Variants in CDH8 observed in about 807,000 individuals in gnomAD.
CDH8 encodes cadherin-8.
A neutral mutation model predicts 68.1 loss-of-function variants in CDH8; 17 were observed. That is an observed-to-expected ratio of 0.25 (90% CI 0.17 to 0.37). The LOEUF (loss-of-function observed/expected upper bound fraction) is 0.37, where lower values mean the gene tolerates loss of function less well. Among genes scored for constraint, CDH8 ranks in the 10% least tolerant of loss-of-function variants. CDH8 has a pLI of 1.00. For synonymous variants in CDH8, 372 were observed against 365.1 expected, an observed-to-expected ratio of 1.02 and a Z score of -0.21; for missense variants, 763 against 999.3, an observed-to-expected ratio of 0.76 and a Z score of 3.19.
In CDH8 at chr16:61,860,633, G is replaced by GA. The variant is rs765139690; in HGVS notation, c.548-3396dup. 1.8e-3 allele frequency among the ~76,000 whole-genome samples: 259 copies of GA among 146,244 alleles called. 6 individuals carry two copies. In the East Asian group the frequency reaches 0.022, roughly 13 times the overall value. ...CATATTGTGAAGTAACACATTATCA[G>GA]AAAAAAAAAATAAGTCAAGATGTAA... On this transcript the variant is annotated intron_variant, in intron 3 of 11. Coordinates refer to ENST00000577390, the MANE Select transcript of CDH8 (RefSeq NM_001796.5).
At chr16:62,026,279 C>T (rs2150618003) in intron 1 of CDH8, among the ~76,000 whole-genome samples, 1 of 152,360 alleles carries the variant, frequency 6.6e-6, no homozygotes, top group African/African-American at 2.4e-5. Context: ...TATTAACGTG[C>T]ATCCAAATTA....
At chr16:61,962,730 T>TATA (rs1372393474) in intron 2 of CDH8, among the ~76,000 whole-genome samples, 1 of 152,154 alleles carries the variant, frequency 6.6e-6, no homozygotes, top group Non-Finnish European at 1.5e-5. Flanking sequence ...TTGTGTAAAA[T>TATA]ATAAAATAAG....
intron 7 of CDH8, 125 bp from the exon 8 acceptor site, chr16:61,789,607 C>T: frequency 1.2e-6 from 1 of 864,452 alleles, no homozygotes; most frequent in Non-Finnish European, 1.7e-6. Context: ...AACTCAGTGG[C>T]ATCATAATTT....
intron 3 of CDH8, among the ~76,000 whole-genome samples, chr16:61,858,806 A>C (rs1963098539): frequency 6.6e-6 from 1 of 152,180 alleles, no homozygotes; most frequent in Admixed American, 6.5e-5. Context: ...TTCCAGCAGG[A>C]AACAGTTACA....
intron 6 of CDH8, 97 bp downstream of exon 6, chr16:61,820,829 G>A (rs1962196130): frequency 2.0e-6 from 2 of 979,426 alleles, no homozygotes; most frequent in East Asian, 2.5e-5. Context: ...CCTACCAGCT[G>A]TGCAATTCTG....
intron 10 of CDH8, among the ~76,000 whole-genome samples, chr16:61,700,840 T>A (rs1964415811): frequency 6.6e-6 from 1 of 152,180 alleles, no homozygotes; most frequent in Non-Finnish European, 1.5e-5. Flanking sequence ...AGGGTGGCCA[T>A]AATAAACAAC....
intron 8 of CDH8, among the ~76,000 whole-genome samples, chr16:61,753,028 C>G (rs910598729): frequency 6.6e-6 from 1 of 152,152 alleles, no homozygotes; most frequent in Non-Finnish European, 1.5e-5. Context: ...ACCACAAAAA[C>G]ATATGATGGA....
At chr16:62,023,350 T>A (rs1902119504) in intron 1 of CDH8, among the ~76,000 whole-genome samples, 1 of 152,096 alleles carries the variant, frequency 6.6e-6, no homozygotes, top group South Asian at 2.1e-4. Flanking sequence ...CACCTGGGTT[T>A]GGATCCCAGC....
chr16:61,686,738 AG>A (rs1431109448), intron 10 of CDH8, among the ~76,000 whole-genome samples: 44 of 152,016 alleles, frequency 2.9e-4, no homozygotes, highest in African/African-American at 1.0e-3. Context: ...TCTTGCAGCT[AG>A]AAACCCTGAC....
chr16:61,852,885 C>CCATT (rs1327524113), intron 4 of CDH8, among the ~76,000 whole-genome samples: 8 of 113,204 alleles, frequency 7.1e-5, no homozygotes, highest in African/African-American at 1.3e-4. Context: ...TTCCTTCCTT[C>CCATT]CTTCCTTCCA....
intron 7 of CDH8, among the ~76,000 whole-genome samples, chr16:61,800,059 C>T (rs570143412): frequency 6.6e-6 from 1 of 152,104 alleles, no homozygotes; most frequent in East Asian, 1.9e-4. Context: ...CGGGTATGCA[C>T]CACCACGCCC....
intron 1 of CDH8, among the ~76,000 whole-genome samples, chr16:62,030,257 C>T (rs1191944419): frequency 1.3e-5 from 2 of 152,176 alleles, no homozygotes; most frequent in South Asian, 2.1e-4. Context: ...AAGGGAGTTG[C>T]TTATGCAGAT....
At chr16:61,706,765 CT>C (rs1964543931) in intron 10 of CDH8, among the ~76,000 whole-genome samples, 1 of 151,896 alleles carries the variant, frequency 6.6e-6, no homozygotes, top group South Asian at 2.1e-4. Flanking sequence ...TGTTTTTCTG[CT>C]TTTTAAGTAC....
chr16:61,972,314 T>A (rs1965352319), intron 2 of CDH8, among the ~76,000 whole-genome samples: 1 of 152,154 alleles, frequency 6.6e-6, no homozygotes, highest in African/African-American at 2.4e-5. Flanking sequence ...GCATATGTCT[T>A]TATTAGCAGC....
intron 8 of CDH8, among the ~76,000 whole-genome samples, chr16:61,788,081 A>C (rs1262283950): frequency 6.7e-6 from 1 of 149,988 alleles, no homozygotes; most frequent in Non-Finnish European, 1.5e-5. Flanking sequence ...TAAAACTTAA[A>C]GTATAATAAA....
At chr16:61,981,783 G>C (rs546862336) in intron 2 of CDH8, among the ~76,000 whole-genome samples, 3 of 152,118 alleles carry the variant, frequency 2.0e-5, no homozygotes, top group Non-Finnish European at 2.9e-5. Flanking sequence ...GAAATGGACA[G>C]TAATATAATA....
At chr16:61,827,920 T>C (rs1206488850) in intron 4 of CDH8, among the ~76,000 whole-genome samples, 2 of 151,790 alleles carry the variant, frequency 1.3e-5, no homozygotes, top group Admixed American at 6.6e-5. Context: ...TCGATTAACA[T>C]ATAAATAGAA....
intron 8 of CDH8, among the ~76,000 whole-genome samples, chr16:61,772,910 C>T (rs1293812845): frequency 6.6e-6 from 1 of 152,008 alleles, no homozygotes; most frequent in African/African-American, 2.4e-5. Context: ...CTCACTACTC[C>T]ATTCATAACC....
At chr16:61,999,659 T>C (rs1965860315) in intron 2 of CDH8, among the ~76,000 whole-genome samples, 1 of 152,258 alleles carries the variant, frequency 6.6e-6, no homozygotes, top group South Asian at 2.1e-4. Flanking sequence ...TGATTATGAC[T>C]TTAAAGGACC....
Sources: gnomAD v4.1 joint callset for allele counts (sites outside exome capture counted in the v4.1 genomes callset) on GRCh38, gnomAD v4.1.1 for gene constraint, MANE v1.5 for transcripts, NCBI Gene and HGNC (gene_info 2026-07-23, HGNC 2026-07-21) for gene names.